The following KIAA0319L variants were observed in gnomAD, a reference collection of about 807,000 sequenced individuals.
KIAA0319L encodes dyslexia-associated protein KIAA0319-like protein.
A neutral mutation model predicts 120.1 loss-of-function variants in KIAA0319L; 55 were observed. The ratio of observed to expected loss-of-function variants is 0.46; its 90% CI spans 0.37 to 0.57. The LOEUF is 0.57. Among genes scored for constraint, KIAA0319L ranks in the 20% least tolerant of loss-of-function variants. The pLI, the probability that KIAA0319L is intolerant of heterozygous loss-of-function variation, is 0.00. For missense variants in KIAA0319L, 1,049 were observed against 1,255.3 expected, an observed-to-expected ratio of 0.84 and a Z score of 2.48; for synonymous variants, 398 against 471.9, an observed-to-expected ratio of 0.84 and a Z score of 2.03.
At chr1:35,491,196 C>T (rs1203134) in intron 3 of KIAA0319L, among the ~76,000 whole-genome samples, 25,404 of 151,708 alleles carry the variant, frequency 0.17, 4,271 homozygotes, top group East Asian at 0.53. Context: ...AACACAGAGA[C>T]GAAAAAAGAC....
At chr1:35,479,947 CAAAAAAAAAA>C (rs71062878) in intron 3 of KIAA0319L, among the ~76,000 whole-genome samples, 20 of 32,292 alleles carry the variant, frequency 6.2e-4, no homozygotes, top group South Asian at 2.3e-3. Flanking sequence ...TATGATGAGC[CAAAAAAAAAA>C]AAAAAAAAAA....
intron 20 of KIAA0319L, chr1:35,439,115 A>C (rs999982311): frequency 3.9e-5 from 6 of 152,248 alleles, no homozygotes; most frequent in African/African-American, 7.2e-5. Context: ...GACCCTGCTC[A>C]TCCATTGAGC....
chr1:35,461,610 T>C (rs1341139864), intron 8 of KIAA0319L, among the ~76,000 whole-genome samples: 2 of 152,174 alleles, frequency 1.3e-5, no homozygotes, highest in Non-Finnish European at 1.5e-5. Context: ...TCTAAAAGGA[T>C]TCATAAAATA....
At chr1:35,443,291 C>T (rs994537396) in intron 17 of KIAA0319L, 24 of 423,400 alleles carry the variant, frequency 5.7e-5, no homozygotes, top group Admixed American at 3.1e-4. Flanking sequence ...TTTTATGTCC[C>T]ACACATCCCC....
rs749508547 is a variant in KIAA0319L, at chr1:35,506,671, G to C, written c.607C>G (p.His203Asp). 11 of 1,614,130 alleles carry C rather than the reference G, an allele frequency of 6.8e-6. No homozygotes were observed. Among genetic ancestry groups the C allele is most frequent in the Non-Finnish European group, 5.1e-6 (6 of 1,180,004 alleles). The change falls in exon 3 of 21, where the codon CAT becomes GAT. Residue 203 changes from histidine (H) to aspartate (D), a missense_variant. By Grantham distance (81) the His-to-Asp change is moderately conservative. Transcript: ENST00000325722. This position sits in a 1 kb window ranked among gnomAD's most constrained non-coding sequence, Gnocchi z 4.0. The stretch of plus-strand genomic sequence containing the variant: ...TCGTTGGAGTCATTCACTTTAGAAT[G>C]CTGTGTCACTATAGGTGTAACTACG... The part of the protein sequence containing the change: ...SDVVTPIVTQ[H>D]SKVNDSNELG...
At chr1:35,507,526 C>T (rs1645251987) in intron 2 of KIAA0319L, among the ~76,000 whole-genome samples, 1 of 152,136 alleles carries the variant, frequency 6.6e-6, no homozygotes, top group African/African-American at 2.4e-5. Flanking sequence ...TGATGACCTC[C>T]CACTCACCTC....
At chr1:35,466,754 A>G (rs1247018148) in intron 6 of KIAA0319L, 59 bp from the exon 7 acceptor site, 2 of 1,177,418 alleles carry the variant, frequency 1.7e-6, no homozygotes, top group African/African-American at 1.5e-5. Context: ...TACATTTAAA[A>G]TAAGATATAT....
At chr1:35,477,785 CCTCGTACACTATTG>C (rs1643965452) in intron 4 of KIAA0319L, among the ~76,000 whole-genome samples, 1 of 151,980 alleles carries the variant, frequency 6.6e-6, no homozygotes, top group Admixed American at 6.5e-5. Context: ...AAAGGGGAAC[CCTCGTACACTATTG>C]GTGGGAATGT....
At chr1:35,444,848 T>C (rs1641499783) in intron 16 of KIAA0319L, among the ~76,000 whole-genome samples, 1 of 152,214 alleles carries the variant, frequency 6.6e-6, no homozygotes, top group African/African-American at 2.4e-5. Flanking sequence ...AAAAAGATCT[T>C]ACACTGTAGT....
intron 8 of KIAA0319L, among the ~76,000 whole-genome samples, chr1:35,460,963 C>T (rs1642849777): frequency 6.6e-6 from 1 of 152,170 alleles, no homozygotes; most frequent in African/African-American, 2.4e-5. Context: ...TAAAAATATA[C>T]TTGTACATGT....
intron 16 of KIAA0319L, among the ~76,000 whole-genome samples, chr1:35,446,786 C>G (rs554919736): frequency 2.4e-4 from 36 of 152,288 alleles, no homozygotes; most frequent in Non-Finnish European, 4.1e-4. Context: ...TCCATCTTAG[C>G]TCTCTCCTAG....
chr1:35,502,016 T>C (rs1265699611), intron 3 of KIAA0319L, among the ~76,000 whole-genome samples: 1 of 151,418 alleles, frequency 6.6e-6, no homozygotes, highest in Non-Finnish European at 1.5e-5. Flanking sequence ...CAGTGACTCA[T>C]GCCTGTAGTC....
At chr1:35,507,879 T>G (rs577793141) in intron 2 of KIAA0319L, among the ~76,000 whole-genome samples, 1 of 152,350 alleles carries the variant, frequency 6.6e-6, no homozygotes, top group South Asian at 2.1e-4. Context: ...ATGGGTAACC[T>G]AAATAATATG....
chr1:35,470,455 T>C lies in KIAA0319L; in HGVS notation c.1113+408A>G, dbSNP rs192576229. Among the ~76,000 whole-genome samples the C allele has an allele frequency of 6.5e-3, 879 of 135,804 alleles. 10 individuals carry two copies. Among genetic ancestry groups the C allele is most frequent in the African/African-American group, 0.024 (835 of 35,496 alleles). 89.1% of individuals were successfully genotyped at this position (135,804 alleles called of 152,430 possible). ...CTGCAGTGAGCCGTGATCACACCAC[T>C]GCACTTCGGCCTAGGTGACAGAGCA... On this transcript the variant is annotated intron_variant, in intron 6 of 20. Coordinates refer to ENST00000325722, the MANE Select transcript of KIAA0319L (RefSeq NM_024874.5).
chr1:35,477,471 T>C (rs538142615), intron 4 of KIAA0319L, among the ~76,000 whole-genome samples: 133 of 152,056 alleles, frequency 8.7e-4, no homozygotes, highest in African/African-American at 2.9e-3. Flanking sequence ...ATCGAGACCA[T>C]CCTGGCTAAC....
At chr1:35,492,612 A>G (rs1176992504) in intron 3 of KIAA0319L, among the ~76,000 whole-genome samples, 1 of 152,146 alleles carries the variant, frequency 6.6e-6, no homozygotes, top group African/African-American at 2.4e-5. Context: ...GAAATCAATC[A>G]TATTATTCAC....
In KIAA0319L at chr1:35,532,411, A is replaced by C. The variant is rs139258795; in HGVS notation, c.142+21939T>G. On this transcript the variant is annotated intron_variant, in intron 2 of 20. Transcript: ENST00000325722. ...ACAGTTCTTTTTCATCCATTCCCTGAATCATAGTTCTTTGTCTTAGGTGGT... is the reference window on the plus strand; with the variant it reads ...ACAGTTCTTTTTCATCCATTCCCTGCATCATAGTTCTTTGTCTTAGGTGGT... Among the ~76,000 whole-genome samples, 496 of 152,326 alleles carry C rather than the reference A, an allele frequency of 3.3e-3. 1 individual carries two copies. Among genetic ancestry groups the C allele is most frequent in the Non-Finnish European group, 4.0e-3 (273 of 68,028 alleles).
intron 3 of KIAA0319L, among the ~76,000 whole-genome samples, chr1:35,493,475 T>C (rs1345322443): frequency 6.6e-6 from 1 of 152,066 alleles, no homozygotes; most frequent in African/African-American, 2.4e-5. Flanking sequence ...TGTACAGATC[T>C]TGCACATTTT....
chr1:35,454,951 C>T (rs944976989), intron 10 of KIAA0319L, among the ~76,000 whole-genome samples: 6 of 152,228 alleles, frequency 3.9e-5, no homozygotes, highest in Admixed American at 6.5e-5. Flanking sequence ...ACCATACTGT[C>T]TCCTTCAGGT....
Sources: gnomAD v4.1 joint callset for allele counts (sites outside exome capture counted in the v4.1 genomes callset) on GRCh38, gnomAD v4.1.1 for gene constraint, Gnocchi (gnomAD v3.1) non-coding constraint, MANE v1.5 for transcripts, NCBI Gene and HGNC (gene_info 2026-07-23, HGNC 2026-07-21) for gene names.